The following KIF26B variants were observed in gnomAD, a reference collection of about 807,000 sequenced individuals.
The protein encoded by KIF26B is kinesin-like protein KIF26B.
KIF26B carries 63 observed loss-of-function variants against 151.2 expected under a neutral mutation model. The observed-to-expected ratio is 0.42, with a 90% CI of 0.34 to 0.51. The LOEUF (loss-of-function observed/expected upper bound fraction) is 0.51. KIF26B is among the 20% of genes least tolerant of loss of function. The probability of loss-of-function intolerance (pLI) is 0.07; values close to 1 mark genes in which losing one functional copy is unlikely to be tolerated. For synonymous variants in KIF26B, 1,357 were observed against 1,262.1 expected (o/e 1.08, Z -1.59); for missense variants, 2,813 against 2,913.6 (o/e 0.97, Z 0.79).
At chr1:245,485,905 C>G (rs1660271131) in intron 4 of KIF26B, among the ~76,000 whole-genome samples, 1 of 152,232 alleles carries the variant, frequency 6.6e-6, no homozygotes, top group African/African-American at 2.4e-5. Context: ...TTCCTTACTA[C>G]TTTGCATCTT....
At chr1:245,360,451 A>T (rs1391798954) in intron 2 of KIF26B, among the ~76,000 whole-genome samples, 1 of 152,242 alleles carries the variant, frequency 6.6e-6, no homozygotes, top group South Asian at 2.1e-4. Context: ...CCACTTATTC[A>T]GCATTTACCA....
intron 5 of KIF26B, among the ~76,000 whole-genome samples, chr1:245,557,343 C>A (rs890766871): frequency 2.0e-5 from 3 of 152,206 alleles, no homozygotes; most frequent in African/African-American, 7.2e-5. Flanking sequence ...TGGAATGAAG[C>A]CCTCCTGGCT....
At chr1:245,289,047 T>C (rs955390020) in intron 2 of KIF26B, among the ~76,000 whole-genome samples, 3 of 152,184 alleles carry the variant, frequency 2.0e-5, no homozygotes, top group Non-Finnish European at 2.9e-5. Flanking sequence ...ATGACTTACA[T>C]ATAGAGGAAG....
intron 2 of KIF26B, among the ~76,000 whole-genome samples, chr1:245,282,196 T>C (rs12130056): frequency 3.3e-5 from 5 of 151,930 alleles, no homozygotes; most frequent in African/African-American, 4.8e-5. Context: ...TTCAATGCCA[T>C]CCCCATGAAG....
intron 9 of KIF26B, among the ~76,000 whole-genome samples, chr1:245,617,407 T>C (rs2043602409): frequency 6.6e-6 from 1 of 152,210 alleles, no homozygotes; most frequent in Non-Finnish European, 1.5e-5. Flanking sequence ...CTTTTGACAA[T>C]GCAAATGTTT....
chr1:245,247,675 G>T (rs929365074), intron 2 of KIF26B, among the ~76,000 whole-genome samples: 2 of 152,158 alleles, frequency 1.3e-5, no homozygotes, highest in African/African-American at 4.8e-5. Context: ...GGTCCTGAAG[G>T]CTGGAAACTA....
At chr1:245,275,651 T>C (rs1285104386) in intron 2 of KIF26B, among the ~76,000 whole-genome samples, 3 of 152,192 alleles carry the variant, frequency 2.0e-5, no homozygotes, top group Non-Finnish European at 4.4e-5. Context: ...TACTTTTGTC[T>C]TTTAATCTGT....
At chr1:245,465,039 C>A (rs12354185) in intron 4 of KIF26B, among the ~76,000 whole-genome samples, 1 of 136,646 alleles carries the variant, frequency 7.3e-6, no homozygotes, top group Non-Finnish European at 1.6e-5. Context: ...AGTGCAGGGG[C>A]GCGATCTCGG....
chr1:245,319,831 A>G (rs888591812), intron 2 of KIF26B, among the ~76,000 whole-genome samples: 5 of 152,182 alleles, frequency 3.3e-5, no homozygotes, highest in African/African-American at 1.2e-4. Context: ...CTTGGAGACT[A>G]TGTGAGTGGA....
At chr1:245,215,516 G>A (rs1669626798) in intron 2 of KIF26B, among the ~76,000 whole-genome samples, 1 of 152,178 alleles carries the variant, frequency 6.6e-6, no homozygotes, top group African/African-American at 2.4e-5. Flanking sequence ...ATTTCTGAAA[G>A]CCAGTGGAGG....
At chr1:245,466,956 A>C (rs1467743733) in intron 4 of KIF26B, among the ~76,000 whole-genome samples, 1 of 152,108 alleles carries the variant, frequency 6.6e-6, no homozygotes, top group Non-Finnish European at 1.5e-5. Context: ...AAAAACACAA[A>C]AACTTTCTGG....
rs370353221 is a variant in KIF26B at position 245,707,068 on chromosome 1, G to A, written c.*4462G>A. ...TCATTATTTCCATCATAATGCAAGC[G>A]TAATTCTAATCCGGGAGAAGATACT... On this transcript the variant is annotated 3_prime_UTR_variant, in exon 15 of 15. Transcript: ENST00000407071. The A allele has an allele frequency of 2.0e-5, 3 of 152,104 alleles. No individual in the cohort carries two copies. Among genetic ancestry groups the A allele is most frequent in the African/African-American group, 7.2e-5 (3 of 41,424 alleles). The allele number at this position is 152,104 out of a possible 1,614,324, so 9.4% of individuals were successfully genotyped here. A position where few individuals can be genotyped will look rare whatever the true frequency, so the allele number is the denominator to read the frequency against.
chr1:245,317,754 G>T (rs1323126485), intron 2 of KIF26B, among the ~76,000 whole-genome samples: 1 of 152,246 alleles, frequency 6.6e-6, no homozygotes, highest in Non-Finnish European at 1.5e-5. Flanking sequence ...GGCCTGGGCA[G>T]AGGTGGGTGT....
intron 9 of KIF26B, among the ~76,000 whole-genome samples, chr1:245,636,230 A>G (rs2043832454): frequency 1.3e-5 from 2 of 152,118 alleles, no homozygotes; most frequent in African/African-American, 4.8e-5. Context: ...ACTATAATTA[A>G]AGACTTGTCT....
At chr1:245,598,080 C>T (rs563800232) in intron 5 of KIF26B, among the ~76,000 whole-genome samples, 33 of 152,124 alleles carry the variant, frequency 2.2e-4, no homozygotes, top group African/African-American at 7.7e-4. Flanking sequence ...AGAGCATGCT[C>T]CTTTAGTTCA....
At chr1:245,410,099 A>G (rs1324288616) in intron 3 of KIF26B, among the ~76,000 whole-genome samples, 3 of 152,210 alleles carry the variant, frequency 2.0e-5, no homozygotes, top group Non-Finnish European at 4.4e-5. Flanking sequence ...GTTTAACCAA[A>G]GAGTTGGGTT....
chr1:245,460,181 G>A (rs943349798), intron 4 of KIF26B, among the ~76,000 whole-genome samples: 1 of 152,178 alleles, frequency 6.6e-6, no homozygotes, highest in Non-Finnish European at 1.5e-5. Flanking sequence ...TGGTCGGGCT[G>A]TCTCAAACTC....
chr1:245,169,101 G>A (rs1019218212), intron 2 of KIF26B, among the ~76,000 whole-genome samples: 5 of 152,082 alleles, frequency 3.3e-5, no homozygotes, highest in South Asian at 2.1e-4. Context: ...GCACAGAGGA[G>A]CACGAGCCCC....
chr1:245,507,997 G>A (rs1040853104), intron 4 of KIF26B, among the ~76,000 whole-genome samples: 2 of 152,202 alleles, frequency 1.3e-5, no homozygotes, highest in Admixed American at 1.3e-4. Context: ...GAATGTGGAA[G>A]ATCGGGTTCC....
Sources: gnomAD v4.1 joint callset for allele counts (sites outside exome capture counted in the v4.1 genomes callset) on GRCh38, gnomAD v4.1.1 for gene constraint, MANE v1.5 for transcripts, NCBI Gene and HGNC (gene_info 2026-07-23, HGNC 2026-07-21) for gene names.